The following DOCK3 variants were observed in gnomAD, a reference collection of about 807,000 sequenced individuals.
DOCK3 encodes dedicator of cytokinesis 3, also known as dedicator of cytokinesis protein 3.
DOCK3 carries 60 observed loss-of-function variants against 265.6 expected under a neutral mutation model. The ratio of observed to expected loss-of-function variants is 0.23; its 90% CI spans 0.18 to 0.28. The LOEUF is 0.28. Ranked by LOEUF, DOCK3 falls within the 10% of genes least tolerant of loss-of-function variation. The pLI is 1.00. For missense variants in DOCK3, 1,981 were observed against 2,594.3 expected (o/e 0.76, Z 5.14); for synonymous variants, 881 against 938.0 (o/e 0.94, Z 1.11).
intron 3 of DOCK3, among the ~76,000 whole-genome samples, chr3:50,850,943 A>G (rs2046330715): frequency 6.6e-6 from 1 of 152,180 alleles, no homozygotes; most frequent in South Asian, 2.1e-4. Flanking sequence ...GATTCATGAA[A>G]TACACAGTGG....
At chr3:50,692,240 T>G (rs1427191423) in intron 1 of DOCK3, among the ~76,000 whole-genome samples, 1 of 152,142 alleles carries the variant, frequency 6.6e-6, no homozygotes, top group East Asian at 1.9e-4. Context: ...TGTTTTTGTT[T>G]TTGTTGTTGA....
intron 12 of DOCK3, among the ~76,000 whole-genome samples, chr3:51,192,661 A>G (rs184245955): frequency 3.3e-5 from 5 of 152,210 alleles, no homozygotes; most frequent in African/African-American, 1.2e-4. Flanking sequence ...TCACAGGTTG[A>G]GAGAAGCTCC....
chr3:51,003,605 T>C (rs1488516689), intron 5 of DOCK3, among the ~76,000 whole-genome samples: 1 of 152,192 alleles, frequency 6.6e-6, no homozygotes, highest in Non-Finnish European at 1.5e-5. Flanking sequence ...TAGTGGAGAA[T>C]TCGTAGGTAA....
chr3:51,079,185 G>A (rs1275552330), intron 7 of DOCK3, among the ~76,000 whole-genome samples: 1 of 152,034 alleles, frequency 6.6e-6, no homozygotes, highest in African/African-American at 2.4e-5. Context: ...AAAAAATCCT[G>A]TATGAATAAG....
chr3:50,973,407 C>T (rs62257836), intron 5 of DOCK3, among the ~76,000 whole-genome samples: 30 of 142,754 alleles, frequency 2.1e-4, no homozygotes, highest in African/African-American at 4.7e-4. Context: ...TTTGTTCTTG[C>T]GATAGTTTAC....
intron 3 of DOCK3, among the ~76,000 whole-genome samples, chr3:50,868,231 A>G (rs2047237615): frequency 6.6e-6 from 1 of 151,786 alleles, no homozygotes; most frequent in Non-Finnish European, 1.5e-5. Context: ...GTGCCACCAC[A>G]CCCAGCTAAT....
intron 27 of DOCK3, among the ~76,000 whole-genome samples, chr3:51,291,838 A>G (rs1340080370): frequency 6.6e-6 from 1 of 152,210 alleles, no homozygotes; most frequent in Admixed American, 6.5e-5. Flanking sequence ...ATATGATGCA[A>G]AAGTCCTCAA....
At chr3:51,365,179 T>A (rs1171578093) in intron 49 of DOCK3, among the ~76,000 whole-genome samples, 2 of 152,246 alleles carry the variant, frequency 1.3e-5, no homozygotes. Context: ...TGGTTTGTGG[T>A]TCTTCTTGAA....
At chr3:51,244,265 A>G (rs1290356730) in intron 21 of DOCK3, among the ~76,000 whole-genome samples, 3 of 151,538 alleles carry the variant, frequency 2.0e-5, no homozygotes, top group South Asian at 2.1e-4. Flanking sequence ...TAGGGATTGC[A>G]TTGAATCTGT....
chr3:51,045,431 C>T (rs924856068), intron 5 of DOCK3, among the ~76,000 whole-genome samples: 1 of 152,020 alleles, frequency 6.6e-6, no homozygotes, highest in Non-Finnish European at 1.5e-5. Context: ...CACAGTTCAC[C>T]ATAACAGACA....
At chr3:51,010,842 T>C (rs1276609151) in intron 5 of DOCK3, among the ~76,000 whole-genome samples, 1 of 152,180 alleles carries the variant, frequency 6.6e-6, no homozygotes, top group African/African-American at 2.4e-5. Flanking sequence ...CAGCATTTTC[T>C]TGTCTGTAAA....
At chr3:50,849,611 G>A (rs1486628050) in intron 3 of DOCK3, among the ~76,000 whole-genome samples, 1 of 152,142 alleles carries the variant, frequency 6.6e-6, no homozygotes, top group Admixed American at 6.5e-5. Flanking sequence ...ATGCCACCAT[G>A]CCTGGGATAC....
chr3:51,238,132 T>C (rs1362039351), intron 21 of DOCK3, among the ~76,000 whole-genome samples: 7 of 71,214 alleles, frequency 9.8e-5, no homozygotes, highest in Non-Finnish European at 1.9e-4. Context: ...TTTTTTTTTT[T>C]TTTTTTTTTT....
intron 25 of DOCK3, among the ~76,000 whole-genome samples, chr3:51,275,656 G>T (rs1037779121): frequency 6.6e-6 from 1 of 152,128 alleles, no homozygotes; most frequent in Non-Finnish European, 1.5e-5. Context: ...TGCCAAATGA[G>T]GTCAGGGCAT....
At chr3:51,379,711 G>A (rs1553617933) in intron 51 of DOCK3, 1 of 879,766 alleles carries the variant, frequency 1.1e-6, no homozygotes, top group Non-Finnish European at 1.4e-6. Flanking sequence ...CCCACCACAG[G>A]AAGGATCCTG....
At chr3:51,079,211 T>G (rs542453200) in intron 7 of DOCK3, among the ~76,000 whole-genome samples, 2 of 152,228 alleles carry the variant, frequency 1.3e-5, no homozygotes, top group Non-Finnish European at 2.9e-5. Flanking sequence ...ACTTAAAGTT[T>G]GCACTCATAG....
At chr3:50,879,566 A>G (rs952250181) in intron 3 of DOCK3, among the ~76,000 whole-genome samples, 3 of 152,270 alleles carry the variant, frequency 2.0e-5, no homozygotes, top group East Asian at 1.9e-4. Context: ...GATCAATTCA[A>G]CAAGAAGAGC....
chr3:50,861,856 T>A (rs1221070742), intron 3 of DOCK3, among the ~76,000 whole-genome samples: 2 of 141,866 alleles, frequency 1.4e-5, no homozygotes, highest in Admixed American at 7.0e-5. Flanking sequence ...GTTGGGTCGT[T>A]TTTTTTTTTT....
chr3:51,329,383 C>G (rs2109938728), intron 32 of DOCK3, among the ~76,000 whole-genome samples: 4 of 152,194 alleles, frequency 2.6e-5, no homozygotes, highest in Middle Eastern at 6.8e-3. Flanking sequence ...ACCAATCAAT[C>G]AACAATCAAA....
Sources: gnomAD v4.1 joint callset for allele counts (sites outside exome capture counted in the v4.1 genomes callset) on GRCh38, gnomAD v4.1.1 for gene constraint, MANE v1.5 for transcripts, NCBI Gene and HGNC (gene_info 2026-07-23, HGNC 2026-07-21) for gene names.